SLC20A2: variants seen among roughly 807,000 people sequenced by gnomAD.
The protein encoded by SLC20A2 is sodium-dependent phosphate transporter 2.
A neutral mutation model predicts 61.0 loss-of-function variants in SLC20A2; 30 were observed. The ratio of observed to expected loss-of-function variants is 0.49; its 90% CI spans 0.37 to 0.67. The LOEUF is 0.67. Ranked by LOEUF, SLC20A2 falls within the 30% of genes least tolerant of loss-of-function variation. The pLI, the probability that SLC20A2 is intolerant of heterozygous loss-of-function variation, is 0.00. For synonymous variants in SLC20A2, 351 were observed against 353.3 expected (o/e 0.99, Z 0.07); for missense variants, 626 against 866.4 (o/e 0.72, Z 3.48).
Position 42,417,832 on chromosome 8 carries a change from G to C in SLC20A2, c.1930C>G (p.Leu644Val). The change falls in exon 11 of 11, where the codon CTC becomes GTC. Residue 644 changes from leucine (L) to valine (V), a missense_variant. Transcript: ENST00000520262. ...ACATATGGAAGGATCCCATACATGA[G>C]AAGAGCCATGACAGCAGCGCTGAAC... ...GLFSAAVMAL[L>V]MYGILPYV 1 of 1,614,102 alleles carries C rather than the reference G, an allele frequency of 6.2e-7. No homozygotes were observed. Among genetic ancestry groups the C allele is most frequent in the Non-Finnish European group, 8.5e-7 (1 of 1,180,010 alleles).
At chr8:42,530,695 G>A (rs1812263083) in intron 1 of SLC20A2, among the ~76,000 whole-genome samples, 1 of 152,094 alleles carries the variant, frequency 6.6e-6, no homozygotes, top group Non-Finnish European at 1.5e-5. Context: ...AGGGTGAGGT[G>A]ACTAACTATA....
At chr8:42,492,970 C>T (rs1319147898) in intron 1 of SLC20A2, among the ~76,000 whole-genome samples, 2 of 152,186 alleles carry the variant, frequency 1.3e-5, no homozygotes, top group African/African-American at 2.4e-5. Context: ...CGTGAGCCAC[C>T]ACGCCCAGCC....
chr8:42,514,093 A>G (rs187841011), intron 1 of SLC20A2, among the ~76,000 whole-genome samples: 2 of 152,252 alleles, frequency 1.3e-5, no homozygotes, highest in Admixed American at 6.5e-5. Flanking sequence ...GAGGCTCTCA[A>G]CTCTGGATAC....
chr8:42,419,008 CAAAAAA>C (rs778981433), intron 10 of SLC20A2, among the ~76,000 whole-genome samples: 5 of 64,202 alleles, frequency 7.8e-5, no homozygotes, highest in Admixed American at 7.5e-4. Context: ...GACTCTGTCT[CAAAAAA>C]AAAAAAAAAA....
intron 4 of SLC20A2, among the ~76,000 whole-genome samples, chr8:42,462,098 C>T (rs1257726059): frequency 1.3e-5 from 2 of 152,034 alleles, no homozygotes; most frequent in Non-Finnish European, 2.9e-5. Context: ...AGGAGAGGAG[C>T]AGCTTCCTAG....
chr8:42,450,597 C>T (rs934718103), intron 5 of SLC20A2, among the ~76,000 whole-genome samples: 3 of 152,074 alleles, frequency 2.0e-5, no homozygotes, highest in African/African-American at 7.2e-5. Flanking sequence ...AATCTCCACT[C>T]ACTGCAGCCT....
chr8:42,425,834 A>G (rs1485536018), intron 10 of SLC20A2, among the ~76,000 whole-genome samples: 1 of 152,042 alleles, frequency 6.6e-6, no homozygotes, highest in East Asian at 1.9e-4. Context: ...CGAGGTCAGG[A>G]GATCGAGACC....
chr8:42,454,311 T>G (rs1168514443), intron 5 of SLC20A2, among the ~76,000 whole-genome samples: 2 of 152,084 alleles, frequency 1.3e-5, no homozygotes, highest in Non-Finnish European at 2.9e-5. Flanking sequence ...CGAATTTTGG[T>G]ATCTACGGAG....
At chr8:42,488,651 T>C (rs1261450156) in intron 1 of SLC20A2, among the ~76,000 whole-genome samples, 4 of 152,198 alleles carry the variant, frequency 2.6e-5, no homozygotes, top group Admixed American at 2.6e-4. Flanking sequence ...CCATTTAGTA[T>C]TCTCACCAAT....
At chr8:42,536,993 T>C (rs1245985915) in intron 1 of SLC20A2, among the ~76,000 whole-genome samples, 1 of 151,610 alleles carries the variant, frequency 6.6e-6, no homozygotes, top group African/African-American at 2.4e-5. Flanking sequence ...AAGAATTGCT[T>C]GAATCCGGGA....
At position 42,440,794 on chromosome 8, in the gene SLC20A2, ATTAT is replaced by A. The variant is rs201167528; in HGVS notation, c.731-1145_731-1142del. 1.7e-4 allele frequency among the ~76,000 whole-genome samples: 26 copies of A among 152,006 alleles called. No homozygotes were observed. In the East Asian group the frequency reaches 4.6e-3, roughly 27 times the overall value. On this transcript the variant is annotated intron_variant, in intron 6 of 10. Transcript: ENST00000520262. ...AAATTTAGTACTGTCAGTATTTTTCATTATTTATTTATTTATTTATTTTTGAGAT... is the reference window on the plus strand; with the variant it reads ...AAATTTAGTACTGTCAGTATTTTTCATTATTTATTTATTTATTTTTGAGAT...
At chr8:42,432,177 C>T (rs569785279) in intron 8 of SLC20A2, among the ~76,000 whole-genome samples, 78 of 152,306 alleles carry the variant, frequency 5.1e-4, no homozygotes, top group African/African-American at 1.7e-3. Flanking sequence ...TTAGAACATT[C>T]GTGATTCATG....
In SLC20A2 at chr8:42,416,785, C is replaced by A. The variant is rs1802695346; in HGVS notation, c.*1018G>T. ...AAGCACAGAAAAAGCCTCCTTTGTG[C>A]TGACATTGGAGACAAGGATCCGTTC... On this transcript the variant is annotated 3_prime_UTR_variant, in exon 11 of 11. Coordinates refer to ENST00000520262, the MANE Select transcript of SLC20A2 (RefSeq NM_001257180.2). The A allele has an allele frequency of 6.5e-6, 1 of 152,674 alleles. No homozygotes were observed. The highest frequency in any genetic ancestry group is 2.4e-5 in the African/African-American group (1 of 41,448). The allele number at this position is 152,674 out of a possible 1,614,324, so 9.5% of individuals were successfully genotyped here.
At chr8:42,430,341 T>C (rs920841437) in intron 8 of SLC20A2, 92 bp from the exon 9 acceptor site, 11 of 1,034,134 alleles carry the variant, frequency 1.1e-5, no homozygotes, top group African/African-American at 1.6e-5. Flanking sequence ...CTTCACTTTA[T>C]CACACTCCAC....
chr8:42,512,436 T>C (rs1811084442), intron 1 of SLC20A2, among the ~76,000 whole-genome samples: 2 of 151,872 alleles, frequency 1.3e-5, no homozygotes, highest in Non-Finnish European at 2.9e-5. Flanking sequence ...CTGTAACCTC[T>C]GCTTCCTGGG....
Position 42,476,309 on chromosome 8 carries a change from T to C in SLC20A2, c.-264-3655A>G, listed in dbSNP as rs568837601. On this transcript the variant is annotated intron_variant, in intron 1 of 10. Transcript: ENST00000520262. ...TAGTAGAGACGGGGTTTCACCGTGTTAGCCAGGATGGTCTCAATCTGCTGA... is the reference window on the plus strand; with the variant it reads ...TAGTAGAGACGGGGTTTCACCGTGTCAGCCAGGATGGTCTCAATCTGCTGA... Among the ~76,000 whole-genome samples, 286 of 151,978 alleles carry C rather than the reference T, an allele frequency of 1.9e-3. 2 individuals carry two copies. Among genetic ancestry groups the C allele is most frequent in the African/African-American group, 6.5e-3 (268 of 41,462 alleles).
intron 1 of SLC20A2, chr8:42,540,879 T>C (rs1446563432): frequency 6.6e-6 from 1 of 152,226 alleles, no homozygotes. Context: ...GTCAAGTCAC[T>C]ACACAATTAA....
At chr8:42,422,633 A>G (rs1375194297) in intron 10 of SLC20A2, among the ~76,000 whole-genome samples, 2 of 151,902 alleles carry the variant, frequency 1.3e-5, no homozygotes, top group African/African-American at 2.4e-5. Context: ...CCCCACCCCT[A>G]GCCCCTTTTT....
intron 8 of SLC20A2, among the ~76,000 whole-genome samples, chr8:42,435,979 G>C (rs1330257816): frequency 6.6e-6 from 1 of 152,114 alleles, no homozygotes; most frequent in Non-Finnish European, 1.5e-5. Context: ...AGCCGGGCCA[G>C]GTTGGGGAGC....
Sources: allele counts gnomAD v4.1 joint callset (sites outside exome capture counted in the v4.1 genomes callset), GRCh38; gene constraint gnomAD v4.1.1; transcripts MANE v1.5; gene names NCBI Gene and HGNC (gene_info 2026-07-23, HGNC 2026-07-21).